ATP2B1: variants seen among roughly 807,000 people sequenced by gnomAD.
ATP2B1 encodes the protein ATPase plasma membrane Ca2+ transporting 1, also known as plasma membrane calcium-transporting ATPase 1.
A neutral mutation model predicts 124.2 loss-of-function variants in ATP2B1; 14 were observed. The observed-to-expected ratio is 0.11, with a 90% CI of 0.07 to 0.18. The LOEUF (loss-of-function observed/expected upper bound fraction) is 0.18, where lower values mean the gene tolerates loss of function less well. Ranked by LOEUF, ATP2B1 falls within the 10% of genes least tolerant of loss-of-function variation. The probability of loss-of-function intolerance (pLI) is 1.00; values close to 1 mark genes in which losing one functional copy is unlikely to be tolerated. For synonymous variants in ATP2B1, 449 were observed against 492.4 expected (o/e 0.91, Z 1.17); for missense variants, 763 against 1,466.1 (o/e 0.52, Z 7.83).
chr12:89,697,203 A>G (rs1891241317), intron 1 of ATP2B1, among the ~76,000 whole-genome samples: 2 of 152,198 alleles, frequency 1.3e-5, no homozygotes, highest in South Asian at 4.1e-4. Context: ...CTTATCAGGC[A>G]GTGGGCTATA....
chr12:89,598,638 G>C (rs765141104), intron 20 of ATP2B1: 5 of 1,613,794 alleles, frequency 3.1e-6, no homozygotes. Context: ...ACATGTGTAG[G>C]GGTAGAAATA....
chr12:89,705,807 T>C (rs1049260072), intron 1 of ATP2B1, among the ~76,000 whole-genome samples: 1 of 152,180 alleles, frequency 6.6e-6, no homozygotes. Context: ...TCTCAGAGTT[T>C]TTGGCTAATT....
intron 15 of ATP2B1, among the ~76,000 whole-genome samples, chr12:89,608,791 A>G (rs1457702993): frequency 6.6e-6 from 1 of 152,184 alleles, no homozygotes; most frequent in African/African-American, 2.4e-5. Flanking sequence ...CTATGTTCCT[A>G]AAGGGAATGA....
Position 89,687,193 on chromosome 12 carries a change from G to C in ATP2B1, c.-222+21403C>G, listed in dbSNP as rs544876400. Reference sequence around the variant, plus strand: ...TTTCGGTCAACAAGGACAAACCACAGATTTGATAATGGTCCCATAAGATTA... The same window carrying C: ...TTTCGGTCAACAAGGACAAACCACACATTTGATAATGGTCCCATAAGATTA... On this transcript the variant is annotated intron_variant, in intron 1 of 20. Transcript: ENST00000428670. Among the ~76,000 whole-genome samples the C allele has an allele frequency of 2.0e-5, 3 of 152,220 alleles. No individual in the cohort carries two copies. The South Asian group carries it at 6.2e-4, about 32-fold the overall frequency.
intron 1 of ATP2B1, among the ~76,000 whole-genome samples, chr12:89,662,702 T>A (rs1391316468): frequency 6.6e-6 from 1 of 152,172 alleles, no homozygotes; most frequent in Non-Finnish European, 1.5e-5. Flanking sequence ...TTATCTAAAA[T>A]GCCTGATTTA....
intron 1 of ATP2B1, among the ~76,000 whole-genome samples, chr12:89,658,630 A>T (rs1486303487): frequency 1.3e-5 from 2 of 151,322 alleles, no homozygotes; most frequent in Non-Finnish European, 2.9e-5. Flanking sequence ...AGAGAGAGAG[A>T]GAGAGAGAGA....
At chr12:89,669,198 G>C (rs975854686) in intron 1 of ATP2B1, among the ~76,000 whole-genome samples, 2 of 152,220 alleles carry the variant, frequency 1.3e-5, no homozygotes, top group African/African-American at 4.8e-5. Context: ...GTAAGCTGAG[G>C]GCAGGATGGT....
rs1037216277 is a variant in ATP2B1, at chr12:89,590,883, C to T, written c.*101G>A. On this transcript the variant is annotated 3_prime_UTR_variant, in exon 21 of 21. Transcript: ENST00000428670. ...TACAAGTGTGTCTTCTGTTGAAGTC[C>T]AAAGACAAGAATACTAGCTTGTCCA... 16 of 1,173,376 alleles carry T rather than the reference C, an allele frequency of 1.4e-5. No homozygotes were observed. The highest frequency in any genetic ancestry group is 1.9e-5 in the Non-Finnish European group (16 of 828,876). The allele number at this position is 1,173,376 out of a possible 1,614,324, so 72.7% of individuals were successfully genotyped here.
At chr12:89,607,380 A>G (rs1877121088) in intron 15 of ATP2B1, among the ~76,000 whole-genome samples, 1 of 152,116 alleles carries the variant, frequency 6.6e-6, no homozygotes, top group African/African-American at 2.4e-5. Context: ...CCTCTTCCAG[A>G]AAACCCTTCC....
chr12:89,677,954 T>TTATATATATATATGTGTATATATATA (rs1491452210), intron 1 of ATP2B1, among the ~76,000 whole-genome samples: 7 of 68,758 alleles, frequency 1.0e-4, no homozygotes, highest in Admixed American at 2.7e-4. Context: ...CATGCAGGAA[T>TTATATATATATATGTGTATATATATA]TATATATATA....
chr12:89,618,733 A>C (rs1194144538), intron 11 of ATP2B1, among the ~76,000 whole-genome samples: 1 of 152,114 alleles, frequency 6.6e-6, no homozygotes, highest in East Asian at 1.9e-4. Context: ...TCATACCAAA[A>C]TCTATCTTAA....
chr12:89,610,137 G>T, intron 14 of ATP2B1, 94 bp from the exon 15 acceptor site: 1 of 1,127,604 alleles, frequency 8.9e-7, no homozygotes. Context: ...TAGACTCAAG[G>T]TTAAAAATAA....
intron 1 of ATP2B1, among the ~76,000 whole-genome samples, chr12:89,693,613 TC>T (rs34332162): frequency 0.92 from 140,659 of 152,212 alleles, 65,177 homozygotes; most frequent in East Asian, 0.99. Context: ...TTAAAAACCT[TC>T]CTTTTCCATC....
At chr12:89,615,853 T>C (rs1361242060) in intron 12 of ATP2B1, among the ~76,000 whole-genome samples, 2 of 152,206 alleles carry the variant, frequency 1.3e-5, no homozygotes, top group Non-Finnish European at 2.9e-5. Context: ...TAAAAATGTA[T>C]TTTTAAACAT....
chr12:89,638,692 C>T (rs2136218571), intron 3 of ATP2B1, among the ~76,000 whole-genome samples: 1 of 152,150 alleles, frequency 6.6e-6, no homozygotes, highest in East Asian at 1.9e-4. Context: ...TTTAAAAATG[C>T]ACTGATAAAT....
chr12:89,627,819 T>C lies in ATP2B1; in HGVS notation c.929-103A>G. ...CATTTCTATAACAGTTGTTACACAA[T>C]GGTGTGTGTGTCTACAGATTAGAAA... On this transcript the variant is annotated intron_variant, in intron 6 of 20. Transcript: ENST00000428670. The C allele has an allele frequency of 4.1e-6, 5 of 1,228,470 alleles. No homozygotes were observed. The East Asian group carries it at 7.1e-5, about 17-fold the overall frequency. The allele number at this position is 1,228,470 out of a possible 1,614,324, so 76.1% of individuals were successfully genotyped here. A position where few individuals can be genotyped will look rare whatever the true frequency, so the allele number is the denominator to read the frequency against.
chr12:89,638,096 T>G (rs925638749), intron 3 of ATP2B1, among the ~76,000 whole-genome samples: 1 of 152,096 alleles, frequency 6.6e-6, no homozygotes, highest in Non-Finnish European at 1.5e-5. Context: ...AGAGAAGTTA[T>G]AGGGGAAAAA....
intron 20 of ATP2B1, chr12:89,598,548 G>C: frequency 6.4e-7 from 1 of 1,572,844 alleles, no homozygotes; most frequent in African/African-American, 1.4e-5. Flanking sequence ...GGTGTGTGAA[G>C]TAGGAAATGT....
At chr12:89,691,053 A>G (rs1057417263) in intron 1 of ATP2B1, among the ~76,000 whole-genome samples, 3 of 152,158 alleles carry the variant, frequency 2.0e-5, no homozygotes, top group Non-Finnish European at 4.4e-5. Context: ...AACTTCTAGT[A>G]ACATGTGAGA....
Sources: allele counts gnomAD v4.1 joint callset (sites outside exome capture counted in the v4.1 genomes callset), GRCh38; gene constraint gnomAD v4.1.1; transcripts MANE v1.5; gene names NCBI Gene and HGNC (gene_info 2026-07-23, HGNC 2026-07-21).